Variants in TENM3 observed in about 807,000 individuals in gnomAD.
TENM3 encodes the protein teneurin transmembrane protein 3, also known as teneurin-3.
A neutral mutation model predicts 255.1 loss-of-function variants in TENM3; 63 were observed. That is an observed-to-expected ratio of 0.25 (90% CI 0.20 to 0.30). TENM3 has a LOEUF of 0.30. Among genes scored for constraint, TENM3 ranks in the 10% least tolerant of loss-of-function variants. TENM3 has a pLI of 1.00. For synonymous variants in TENM3, 1,306 were observed against 1,322.3 expected, an observed-to-expected ratio of 0.99 and a Z score of 0.27; for missense variants, 2,929 against 3,461.1, an observed-to-expected ratio of 0.85 and a Z score of 3.86.
the TENM3 span, among the ~76,000 whole-genome samples, chr4:181,506,113 G>A: frequency 9.2e-5 from 14 of 152,082 alleles, no homozygotes; most frequent in Non-Finnish European, 1.9e-4. Context: ...TTAAAGTACA[G>A]GATATTAAAG....
chr4:182,457,842 C>T (rs1487886699), intron 3 of TENM3, among the ~76,000 whole-genome samples: 3 of 152,152 alleles, frequency 2.0e-5, no homozygotes, highest in Non-Finnish European at 4.4e-5. Context: ...ATTACAGGCG[C>T]GAGCCACCAC....
At chr4:181,630,002 C>T in the TENM3 span, among the ~76,000 whole-genome samples, 1 of 152,132 alleles carries the variant, frequency 6.6e-6, no homozygotes, top group Non-Finnish European at 1.5e-5. Context: ...TTAATTATTG[C>T]CTCAACTTCA....
the TENM3 span, among the ~76,000 whole-genome samples, chr4:181,665,626 T>TAC: frequency 0.025 from 3,709 of 145,860 alleles, 70 homozygotes; most frequent in Non-Finnish European, 0.035. Flanking sequence ...TGTGTATATA[T>TAC]ACACACACAT....
the TENM3 span, among the ~76,000 whole-genome samples, chr4:182,133,838 T>C: frequency 6.6e-6 from 1 of 152,240 alleles, no homozygotes; most frequent in Non-Finnish European, 1.5e-5. Context: ...ATGTTAAAAC[T>C]GAAATATATA....
chr4:181,454,691 T>TGTTTTTTTA, the TENM3 span, among the ~76,000 whole-genome samples: 1 of 150,140 alleles, frequency 6.7e-6, no homozygotes, highest in African/African-American at 2.5e-5. Flanking sequence ...ACTTTTTTTT[T>TGTTTTTTTA]CTGGTGTGCC....
chr4:182,489,464 G>A (rs1324711023), intron 3 of TENM3, among the ~76,000 whole-genome samples: 1 of 152,076 alleles, frequency 6.6e-6, no homozygotes, highest in East Asian at 1.9e-4. Flanking sequence ...TAAATATTCA[G>A]GGTTTGTGTG....
the TENM3 span, among the ~76,000 whole-genome samples, chr4:181,979,331 G>A: frequency 0.012 from 1,864 of 150,734 alleles, 23 homozygotes; most frequent in Middle Eastern, 0.017. Context: ...AAAGCCTCCC[G>A]TTTATATTTC....
At chr4:182,263,458 G>A (rs572936406) in intron 1 of TENM3, among the ~76,000 whole-genome samples, 63 of 152,204 alleles carry the variant, frequency 4.1e-4, no homozygotes, top group African/African-American at 1.4e-3. Context: ...TATAAAGTCC[G>A]CCTCTGCTAA....
At chr4:182,614,710 T>A (rs904872722) in intron 4 of TENM3, among the ~76,000 whole-genome samples, 2 of 152,150 alleles carry the variant, frequency 1.3e-5, no homozygotes, top group Admixed American at 6.5e-5. Flanking sequence ...ACTCTTTAAG[T>A]TCTCCTGCAC....
At chr4:182,164,033 C>G (rs892544363) in intron 1 of TENM3, among the ~76,000 whole-genome samples, 1 of 152,152 alleles carries the variant, frequency 6.6e-6, no homozygotes, top group Non-Finnish European at 1.5e-5. Context: ...CCAGGGGGAC[C>G]TTCTAACCTA....
intron 24 of TENM3, among the ~76,000 whole-genome samples, chr4:182,778,364 G>A (rs1764868337): frequency 6.6e-6 from 1 of 152,136 alleles, no homozygotes; most frequent in Non-Finnish European, 1.5e-5. Flanking sequence ...ATCTCATTAT[G>A]CCAGTCACAT....
At chr4:182,621,330 G>C (rs919440432) in intron 4 of TENM3, among the ~76,000 whole-genome samples, 1 of 151,848 alleles carries the variant, frequency 6.6e-6, no homozygotes, top group African/African-American at 2.4e-5. Context: ...TAGCATTTCT[G>C]TATTTATTAT....
chr4:182,346,798 C>A lies in TENM3; in HGVS notation c.380C>A (p.Ser127Tyr), dbSNP rs776578233. The A allele has an allele frequency of 2.5e-6, 4 of 1,613,348 alleles. No individual in the cohort carries two copies. The highest frequency in any genetic ancestry group is 2.5e-6 in the Non-Finnish European group (3 of 1,179,700). ...GATACTGAAAATGAAGCAGTGATGT[C>A]CCCAGAGCATGCCATGAGACTTTGG... ...DADTENEAVMSPEHAMRLWGR... is the reference protein window; with the variant it reads ...DADTENEAVMYPEHAMRLWGR... The change falls in exon 3 of 28, where the codon TCC becomes TAC. Residue 127 changes from serine to tyrosine, a missense_variant. Transcript: ENST00000511685.
the TENM3 span, among the ~76,000 whole-genome samples, chr4:181,979,791 T>A: frequency 6.6e-6 from 1 of 152,244 alleles, no homozygotes; most frequent in African/African-American, 2.4e-5. Context: ...GTCATACAGC[T>A]AGACATGACA....
chr4:181,933,463 A>C, the TENM3 span, among the ~76,000 whole-genome samples: 1 of 152,144 alleles, frequency 6.6e-6, no homozygotes, highest in Non-Finnish European at 1.5e-5. Context: ...GCACAAATCT[A>C]TTCTATGAAC....
the TENM3 span, among the ~76,000 whole-genome samples, chr4:181,699,486 A>T: frequency 2.0e-5 from 3 of 150,424 alleles, no homozygotes; most frequent in Admixed American, 2.0e-4. Flanking sequence ...AGAAAGAAAA[A>T]GAAAATACTT....
At chr4:182,332,010 C>T (rs1763789983) in intron 2 of TENM3, among the ~76,000 whole-genome samples, 1 of 152,024 alleles carries the variant, frequency 6.6e-6, no homozygotes, top group African/African-American at 2.4e-5. Context: ...GGTATATATA[C>T]AGAAATTTAT....
chr4:181,881,886 T>C, the TENM3 span, among the ~76,000 whole-genome samples: 11 of 152,180 alleles, frequency 7.2e-5, no homozygotes, highest in African/African-American at 2.4e-4. Context: ...CTCCTACTTT[T>C]TAGTTTCAAA....
At chr4:181,715,039 G>A in the TENM3 span, among the ~76,000 whole-genome samples, 1 of 152,086 alleles carries the variant, frequency 6.6e-6, no homozygotes, top group Non-Finnish European at 1.5e-5. Context: ...TATTCCAGTG[G>A]GAAAAAGAAC....
Sources: allele counts gnomAD v4.1 joint callset (sites outside exome capture counted in the v4.1 genomes callset), GRCh38; gene constraint gnomAD v4.1.1; transcripts MANE v1.5; gene names NCBI Gene and HGNC (gene_info 2026-07-23, HGNC 2026-07-21).